The following LIPA variants were observed in gnomAD, a reference collection of about 807,000 sequenced individuals.
The protein encoded by LIPA is lysosomal acid lipase/cholesteryl ester hydrolase.
A neutral mutation model predicts 40.6 loss-of-function variants in LIPA; 26 were observed. That is an observed-to-expected ratio of 0.64 (90% confidence interval 0.47 to 0.89). The LOEUF is 0.89. LIPA is among the 40% of genes least tolerant of loss of function. LIPA has a pLI of 0.00. For missense variants in LIPA, 455 were observed against 479.6 expected, an observed-to-expected ratio of 0.95 and a Z score of 0.48; for synonymous variants, 188 against 168.4, an observed-to-expected ratio of 1.12 and a Z score of -0.90.
intron 2 of LIPA, among the ~76,000 whole-genome samples, chr10:89,386,650 G>C (rs1206139688): frequency 6.6e-6 from 1 of 152,138 alleles, no homozygotes; most frequent in Non-Finnish European, 1.5e-5. Context: ...ACAACTCTAA[G>C]CTTTTGGTTT....
intron 2 of LIPA, among the ~76,000 whole-genome samples, chr10:89,349,183 T>C (rs974013916): frequency 2.0e-5 from 3 of 152,176 alleles, no homozygotes; most frequent in Non-Finnish European, 4.4e-5. Context: ...AAGATTAAAC[T>C]TGGTTCACTG....
At position 89,396,994 on chromosome 10, in the gene LIPA, A is replaced by G. The variant is rs116001445; in HGVS notation, c.61+15797T>C. Among the ~76,000 whole-genome samples the G allele has an allele frequency of 5.2e-3, 792 of 152,356 alleles. 2 individuals are homozygous for G. The highest frequency in any genetic ancestry group is 0.018 in the African/African-American group (758 of 41,580). ...TCTCCATACATGAGTAATCACATAC[A>G]TACAAATATATAAGGATTTGGTTCT... On this transcript the variant is annotated intron_variant, in intron 2 of 8. Coordinates refer to the LIPA transcript ENST00000371837.
rs778642279 is a variant in LIPA, at chr10:89,228,402, A to G, written c.230-4T>C. ...AGGAAGACAACTGGTTTGGGACCTGAAAAACATTCATTGTTTAGGAGGCAG... is the reference window on the plus strand; with the variant it reads ...AGGAAGACAACTGGTTTGGGACCTGGAAAACATTCATTGTTTAGGAGGCAG... On this transcript the variant is annotated splice_polypyrimidine_tract_variant and splice_region_variant and intron_variant, in intron 3 of 9. Transcript: ENST00000336233. 284 of 1,613,782 alleles carry G rather than the reference A, an allele frequency of 1.8e-4. No homozygotes were observed. Among genetic ancestry groups the G allele is most frequent in the Non-Finnish European group, 2.3e-5 (27 of 1,179,722 alleles).
At chr10:89,412,291 C>T (rs1392771108) in intron 2 of LIPA, among the ~76,000 whole-genome samples, 1 of 152,078 alleles carries the variant, frequency 6.6e-6, no homozygotes, top group African/African-American at 2.4e-5. Flanking sequence ...ATTGTAAACG[C>T]ACCAATCAGC....
chr10:89,302,045 T>C (rs1039774412), intron 1 of LIPA: 1 of 1,547,924 alleles, frequency 6.5e-7, no homozygotes, highest in Non-Finnish European at 8.9e-7. Flanking sequence ...CATTTATTGG[T>C]GGCAGAAGAG....
intron 1 of LIPA, chr10:89,342,472 T>C (rs1207578337): frequency 6.6e-6 from 1 of 152,198 alleles, no homozygotes; most frequent in Non-Finnish European, 1.5e-5. Flanking sequence ...AGGGCAATTG[T>C]CTAAAAGGAA....
At chr10:89,346,884 G>C (rs1451784877), upstream of LIPA, among the ~76,000 whole-genome samples, 7 of 152,216 alleles carry the variant, frequency 4.6e-5, no homozygotes, top group Non-Finnish European at 2.9e-5. Context: ...ATCCTCATAG[G>C]AAATTGCGTA....
In LIPA at chr10:89,223,693, AT is replaced by A; in HGVS notation, c.812del (p.Asn271IlefsTer2). On this transcript the variant is annotated frameshift_variant, in exon 7 of 10. Transcript: ENST00000336233. LOFTEE classifies it high-confidence loss of function. ...CFLLCGFNER[N>X]LNMSRVDVYT... ...CTATAAACATGCATACCATATTTAA[AT>A]TTCTCTCATTAAATCCACACAGAAG... The A allele has an allele frequency of 6.2e-7, 1 of 1,611,526 alleles. No individual in the cohort carries two copies. The highest frequency in any genetic ancestry group is 8.5e-7 in the Non-Finnish European group (1 of 1,177,774).
chr10:89,258,085 T>G (rs2133484922), intron 1 of LIPA, among the ~76,000 whole-genome samples: 1 of 152,322 alleles, frequency 6.6e-6, no homozygotes. Flanking sequence ...AAGTTAAGGC[T>G]GCCTTTTAAA....
chr10:89,260,073 A>C lies in LIPA; in HGVS notation c.-1-12424T>G, dbSNP rs114413468. Among the ~76,000 whole-genome samples, 967 of 152,340 alleles carry C rather than the reference A, an allele frequency of 6.3e-3. 6 individuals are homozygous for C. Among genetic ancestry groups the C allele is most frequent in the African/African-American group, 0.022 (917 of 41,576 alleles). On this transcript the variant is annotated intron_variant, in intron 1 of 5. Transcript: ENST00000282673. Reference sequence around the variant, plus strand: ...TCATACTTCGATAAGCCTATTTAAAAAAATACTAATAGTTACTATTTATTG... The same window carrying C: ...TCATACTTCGATAAGCCTATTTAAACAAATACTAATAGTTACTATTTATTG...
At chr10:89,363,201 A>T in intron 2 of LIPA, 1 of 198,154 alleles carries the variant, frequency 5.0e-6, no homozygotes. Context: ...GAAACAGACA[A>T]AAAAAGCTAA....
intron 2 of LIPA, among the ~76,000 whole-genome samples, chr10:89,381,708 C>T (rs774429911): frequency 9.9e-5 from 15 of 152,162 alleles, no homozygotes; most frequent in Non-Finnish European, 2.1e-4. Flanking sequence ...CCTGAGTATC[C>T]TCTGCCCAAC....
At chr10:89,336,944 C>T (rs1843751669) in intron 1 of LIPA, among the ~76,000 whole-genome samples, 1 of 152,246 alleles carries the variant, frequency 6.6e-6, no homozygotes, top group African/African-American at 2.4e-5. Context: ...ACTTAGAGAA[C>T]TCTTGCAATT....
chr10:89,329,271 T>A (rs1334615123), intron 1 of LIPA, among the ~76,000 whole-genome samples: 2 of 152,196 alleles, frequency 1.3e-5, no homozygotes, highest in African/African-American at 4.8e-5. Flanking sequence ...GTAAGAGGAA[T>A]TCACTGCCAA....
In LIPA at chr10:89,223,816, G is replaced by C. The variant is rs1409978506; in HGVS notation, c.690C>G (p.Asp230Glu). Residue 230 changes from aspartate (D) to glutamate (E), a missense_variant, in exon 7 of 10, where the codon GAC (aspartate) becomes GAG (glutamate). Transcript: ENST00000336233. ...PDHLIKDLFG[D>E]KEFLPQSAFL... The stretch of plus-strand genomic sequence containing the variant: ...ACGCACTCTGGGGAAGAAATTCTTT[G>C]TCTCCAAATAAGTCCTACAAAATAA... The C allele has an allele frequency of 6.2e-7, 1 of 1,613,954 alleles. No individual in the cohort carries two copies. The highest frequency in any genetic ancestry group is 1.3e-5 in the African/African-American group (1 of 74,908).
At chr10:89,319,371 A>G (rs1344911024) in intron 1 of LIPA, among the ~76,000 whole-genome samples, 1 of 152,256 alleles carries the variant, frequency 6.6e-6, no homozygotes, top group Non-Finnish European at 1.5e-5. Flanking sequence ...TAAAAATGAT[A>G]AAGGGGATAT....
intron 1 of LIPA, among the ~76,000 whole-genome samples, chr10:89,250,107 C>CTTTTTGTT (rs1843096509): frequency 1.0e-5 from 1 of 96,076 alleles, no homozygotes; most frequent in Non-Finnish European, 1.9e-5. Context: ...TCTTTTCTTT[C>CTTTTTGTT]TTTTTTTTTT....
chr10:89,257,904 C>T (rs1843188877), intron 1 of LIPA, among the ~76,000 whole-genome samples: 1 of 152,128 alleles, frequency 6.6e-6, no homozygotes, highest in Admixed American at 6.5e-5. Flanking sequence ...TATGCTAGAC[C>T]ATAGTTTAGT....
intron 3 of LIPA, among the ~76,000 whole-genome samples, chr10:89,238,957 T>A (rs1185110596): frequency 2.0e-5 from 3 of 152,144 alleles, no homozygotes; most frequent in Non-Finnish European, 4.4e-5. Context: ...GTAAATGTAA[T>A]AAAATATTAT....
Sources: gnomAD v4.1 joint callset for allele counts (sites outside exome capture counted in the v4.1 genomes callset) on GRCh38, gnomAD v4.1.1 for gene constraint, MANE v1.5 for transcripts, NCBI Gene and HGNC (gene_info 2026-07-23, HGNC 2026-07-21) for gene names.